CYP20A1: variants seen among roughly 807,000 people sequenced by gnomAD.
The protein encoded by CYP20A1 is cytochrome P450 family 20 subfamily A member 1.
Under a neutral mutation model 61.4 loss-of-function variants are expected in CYP20A1, and 61 were observed. The observed-to-expected ratio is 0.99, with a 90% CI of 0.81 to 1.23. CYP20A1 has a LOEUF of 1.23. CYP20A1 is among the 50% of genes most tolerant of loss of function. The pLI is 0.00. For synonymous variants in CYP20A1, 193 were observed against 188.2 expected, an observed-to-expected ratio of 1.03 and a Z score of -0.21; for missense variants, 530 against 542.4, an observed-to-expected ratio of 0.98 and a Z score of 0.23.
Position 203,305,354 on chromosome 2 carries a change from AC to A in CYP20A1, c.*8448del, listed in dbSNP as rs1183612258. ...TAGCTGGGACTACAGTCGCACGCCA[AC>A]CACCCCCAGCTAATTTTTTTATTTT... On this transcript the variant is annotated 3_prime_UTR_variant, in exon 13 of 13. Coordinates refer to ENST00000356079, the MANE Select transcript of CYP20A1 (RefSeq NM_177538.3). The A allele has an allele frequency of 6.6e-6, 1 of 151,482 alleles. No homozygotes were observed. The highest frequency in any genetic ancestry group is 1.5e-5 in the Non-Finnish European group (1 of 67,910). The allele number at this position is 151,482 out of a possible 1,614,324, so 9.4% of individuals were successfully genotyped here.
chr2:203,289,052 C>T (rs563052913), intron 9 of CYP20A1, among the ~76,000 whole-genome samples: 1 of 152,268 alleles, frequency 6.6e-6, no homozygotes, highest in Non-Finnish European at 1.5e-5. Context: ...CCAGTTTATA[C>T]TTCCACCAAT....
chr2:203,257,159 A>G (rs867793764), intron 4 of CYP20A1, among the ~76,000 whole-genome samples: 7 of 152,006 alleles, frequency 4.6e-5, no homozygotes, highest in Non-Finnish European at 8.8e-5. Flanking sequence ...CAAAAAAAAA[A>G]AGAGAAAAAT....
At chr2:203,290,356 A>G (rs1471344452) in intron 10 of CYP20A1, among the ~76,000 whole-genome samples, 3 of 152,250 alleles carry the variant, frequency 2.0e-5, no homozygotes, top group African/African-American at 7.2e-5. Flanking sequence ...TTCAAGCAAT[A>G]TAAAAGTCTT....
chr2:203,285,786 A>T, intron 9 of CYP20A1, 54 bp downstream of exon 9: 1 of 1,434,724 alleles, frequency 7.0e-7, no homozygotes, highest in Non-Finnish European at 9.2e-7. Context: ...GAACTGGTTT[A>T]TCTAATTTAA....
At chr2:203,239,875 A>G (rs948960302) in intron 1 of CYP20A1, among the ~76,000 whole-genome samples, 1 of 152,170 alleles carries the variant, frequency 6.6e-6, no homozygotes, top group Admixed American at 6.5e-5. Flanking sequence ...AGGCGGGCGG[A>G]TCACGAGGTC....
chr2:203,302,665 C>G lies in CYP20A1; in HGVS notation c.*5757C>G, dbSNP rs1243937370. 1.3e-5 allele frequency among the ~76,000 whole-genome samples: 2 copies of G among 152,184 alleles called. No individual in the cohort carries two copies. Among genetic ancestry groups the G allele is most frequent in the Non-Finnish European group, 2.9e-5 (2 of 68,042 alleles). The stretch of plus-strand genomic sequence containing the variant: ...GCAGAACATTAGTATTCTTGTCACT[C>G]TGAATGTAGGCACAGATTTTTGTCA... On this transcript the variant is annotated 3_prime_UTR_variant, in exon 13 of 13. Transcript: ENST00000356079.
rs2068954682 is a variant in CYP20A1 at position 203,299,950 on chromosome 2, G to A, written c.*3042G>A. Reference sequence around the variant, plus strand: ...CCACTTATTTTCTGTGGTTTTGTGTGTATAGAGCATCTTCCTTTGTTACCC... The same window carrying A: ...CCACTTATTTTCTGTGGTTTTGTGTATATAGAGCATCTTCCTTTGTTACCC... On this transcript the variant is annotated 3_prime_UTR_variant, in exon 13 of 13. Transcript: ENST00000356079. 6.6e-6 allele frequency among the ~76,000 whole-genome samples: 1 copy of A among 152,178 alleles called. No individual in the cohort carries two copies. The highest frequency in any genetic ancestry group is 2.1e-4 in the South Asian group (1 of 4,836).
intron 5 of CYP20A1, among the ~76,000 whole-genome samples, chr2:203,269,188 TCC>T (rs2067454383): frequency 6.6e-6 from 1 of 152,118 alleles, no homozygotes; most frequent in Non-Finnish European, 1.5e-5. Context: ...ATGCCTGTAA[TCC>T]TAGCACTTTG....
At chr2:203,247,568 G>A (rs1323616056) in intron 3 of CYP20A1, among the ~76,000 whole-genome samples, 1 of 152,054 alleles carries the variant, frequency 6.6e-6, no homozygotes, top group Non-Finnish European at 1.5e-5. Context: ...CCTAAAAAGA[G>A]TATTAATGGG....
chr2:203,268,928 C>A (rs1268490925), intron 5 of CYP20A1, among the ~76,000 whole-genome samples: 1 of 152,166 alleles, frequency 6.6e-6, no homozygotes, highest in Non-Finnish European at 1.5e-5. Flanking sequence ...TGCATCATGA[C>A]TGCTACTTAG....
intron 1 of CYP20A1, 78 bp downstream of exon 1, chr2:203,239,212 C>G (rs114801571): frequency 1.6e-6 from 2 of 1,247,192 alleles, no homozygotes; most frequent in Non-Finnish European, 2.3e-6. Flanking sequence ...CCAACCTGCC[C>G]GCTGCGGGCC....
intron 9 of CYP20A1, among the ~76,000 whole-genome samples, chr2:203,288,240 AT>A (rs1369424612): frequency 6.7e-6 from 1 of 149,074 alleles, no homozygotes; most frequent in African/African-American, 2.5e-5. Flanking sequence ...TATTTTTTGT[AT>A]TTTTAGTAGA....
chr2:203,285,634 T>C lies in CYP20A1; in HGVS notation c.873T>C (p.Phe291=), dbSNP rs1217111524. 1.9e-6 allele frequency: 3 copies of C among 1,593,464 alleles called. No homozygotes were observed. The highest frequency in any genetic ancestry group is 2.6e-6 in the Non-Finnish European group (3 of 1,175,096). ...TAGTGTGTACCTGGGCAATCTGTTT[T>C]TTAACCACCTCTGAAGAAGTTCAAA... The part of the protein sequence containing the change: ...TAKLCTWAIC[F]LTTSEEVQKK... The change falls in exon 9 of 13, where the codon TTT becomes TTC. Residue 291 remains phenylalanine, a synonymous_variant. Coordinates refer to ENST00000356079, the MANE Select transcript of CYP20A1 (RefSeq NM_177538.3).
chr2:203,283,134 A>G (rs987947865), intron 8 of CYP20A1, among the ~76,000 whole-genome samples: 12 of 151,306 alleles, frequency 7.9e-5, no homozygotes, highest in African/African-American at 2.9e-4. Context: ...TGTGATCACT[A>G]CCACTGCACT....
intron 4 of CYP20A1, among the ~76,000 whole-genome samples, chr2:203,259,049 A>G (rs1490904954): frequency 6.6e-6 from 1 of 152,144 alleles, no homozygotes; most frequent in Non-Finnish European, 1.5e-5. Flanking sequence ...CTCTGCTTCA[A>G]ACTAAGTAAT....
rs2069155565 is a variant in CYP20A1, at chr2:203,304,779, T to C, written c.*7871T>C. On this transcript the variant is annotated 3_prime_UTR_variant, in exon 13 of 13. Transcript: ENST00000356079. ...GGCGAAACTGCATCTCTACAAAAAATACAAAAATTAGCCAGGTGTGCTGGC... is the reference window on the plus strand; with the variant it reads ...GGCGAAACTGCATCTCTACAAAAAACACAAAAATTAGCCAGGTGTGCTGGC... 2.0e-5 allele frequency among the ~76,000 whole-genome samples: 3 copies of C among 152,100 alleles called. No individual in the cohort carries two copies. The South Asian group carries it at 6.2e-4, about 32-fold the overall frequency.
At chr2:203,246,214 A>G (rs998527966) in intron 2 of CYP20A1, among the ~76,000 whole-genome samples, 8 of 152,238 alleles carry the variant, frequency 5.3e-5, no homozygotes, top group Non-Finnish European at 1.0e-4. Context: ...ATGATAAACC[A>G]TATTTTTAGA....
chr2:203,278,417 G>T (rs2067910046), intron 6 of CYP20A1, among the ~76,000 whole-genome samples, 156 bp from the exon 7 acceptor site: 1 of 152,180 alleles, frequency 6.6e-6, no homozygotes, highest in Non-Finnish European at 1.5e-5. Flanking sequence ...AAAAAAGGAA[G>T]AAAATGATGA....
At chr2:203,292,127 T>C in intron 10 of CYP20A1, 135 bp from the exon 11 acceptor site, 2 of 519,868 alleles carry the variant, frequency 3.8e-6, no homozygotes, top group Non-Finnish European at 3.4e-6. Flanking sequence ...TAATCACTTG[T>C]GGTTTCTTGC....
Sources: allele counts gnomAD v4.1 joint callset (sites outside exome capture counted in the v4.1 genomes callset), GRCh38; gene constraint gnomAD v4.1.1; transcripts MANE v1.5; gene names NCBI Gene and HGNC (gene_info 2026-07-23, HGNC 2026-07-21).